SCML4: variants seen among roughly 807,000 people sequenced by gnomAD.
SCML4 encodes the protein sex comb on midleg-like protein 4.
In SCML4, 34 loss-of-function variants were observed where a neutral mutation model predicts 41.1. The observed-to-expected ratio is 0.83, with a 90% CI of 0.63 to 1.10. The LOEUF (loss-of-function observed/expected upper bound fraction) is 1.10, where lower values mean the gene tolerates loss of function less well. Ranked by LOEUF, SCML4 falls within the 50% of genes least tolerant of loss-of-function variation. SCML4 has a pLI of 0.00. For synonymous variants in SCML4, 214 were observed against 220.9 expected, an observed-to-expected ratio of 0.97 and a Z score of 0.28; for missense variants, 522 against 534.1, an observed-to-expected ratio of 0.98 and a Z score of 0.22.
At chr6:107,720,001 A>C (rs846976) in intron 6 of SCML4, 165,979 of 985,182 alleles carry the variant, frequency 0.17, 15,169 homozygotes, top group African/African-American at 0.34. Flanking sequence ...CATTCCAACA[A>C]GCTTTCTTTA....
At chr6:107,787,133 A>C (rs1004979559) in intron 1 of SCML4, among the ~76,000 whole-genome samples, 62 of 152,332 alleles carry the variant, frequency 4.1e-4, no homozygotes, top group African/African-American at 1.4e-3. Context: ...GAGAAATCTG[A>C]TCCTTCAGGC....
chr6:107,706,638 C>G (rs990599984), intron 7 of SCML4, among the ~76,000 whole-genome samples: 2 of 152,166 alleles, frequency 1.3e-5, no homozygotes, highest in Non-Finnish European at 2.9e-5. Context: ...TGGGATTAAG[C>G]TTGCTAATCA....
the SCML4 span, among the ~76,000 whole-genome samples, chr6:107,835,611 T>G: frequency 6.6e-6 from 1 of 151,658 alleles, no homozygotes; most frequent in East Asian, 1.9e-4. Flanking sequence ...CATGGTGGCA[T>G]GCACCTGTAG....
At chr6:107,795,996 T>C (rs796998879) in intron 1 of SCML4, among the ~76,000 whole-genome samples, 5 of 152,274 alleles carry the variant, frequency 3.3e-5, no homozygotes, top group East Asian at 1.9e-4. Context: ...TTTGTAAGTA[T>C]ACCAGCAGTT....
intron 1 of SCML4, among the ~76,000 whole-genome samples, chr6:107,807,727 A>G (rs571253355): frequency 7.5e-4 from 114 of 152,298 alleles, no homozygotes; most frequent in Middle Eastern, 3.4e-3. Flanking sequence ...AATGCCTGCC[A>G]TTTCCCCGCA....
intron 1 of SCML4, among the ~76,000 whole-genome samples, chr6:107,778,222 A>AAAAAAAAAAAAAAAAAATATATCTATAT (rs1554218145): frequency 6.4e-5 from 1 of 15,542 alleles, no homozygotes. Flanking sequence ...AAAAAAAAAA[A>AAAAAAAAAAAAAAAAAATATATCTATAT]ATATATATAT....
the SCML4 span, among the ~76,000 whole-genome samples, chr6:107,839,370 A>C: frequency 6.9e-6 from 1 of 145,620 alleles, no homozygotes; most frequent in Non-Finnish European, 1.5e-5. Context: ...AGAAAGAAGG[A>C]AAGAAAGAAA....
intron 5 of SCML4, among the ~76,000 whole-genome samples, chr6:107,728,701 A>T (rs1477834635): frequency 1.3e-5 from 2 of 152,192 alleles, no homozygotes; most frequent in Non-Finnish European, 2.9e-5. Flanking sequence ...CTGTGATCCA[A>T]ATGAATTATC....
At chr6:107,730,642 C>T (rs573527402) in intron 5 of SCML4, among the ~76,000 whole-genome samples, 1 of 152,316 alleles carries the variant, frequency 6.6e-6, no homozygotes, top group South Asian at 2.1e-4. Context: ...GAAAGGAAAA[C>T]ACACACGTGG....
the SCML4 span, among the ~76,000 whole-genome samples, chr6:107,829,902 T>C: frequency 6.6e-6 from 1 of 152,200 alleles, no homozygotes; most frequent in African/African-American, 2.4e-5. Context: ...TCAAATTTCA[T>C]CATTAAAATA....
chr6:107,792,247 G>A (rs1782386232), intron 1 of SCML4, among the ~76,000 whole-genome samples: 1 of 152,204 alleles, frequency 6.6e-6, no homozygotes, highest in African/African-American at 2.4e-5. Flanking sequence ...ATGATCTCCA[G>A]TGGCATGCCA....
At chr6:107,796,088 TC>T (rs907876597) in intron 1 of SCML4, among the ~76,000 whole-genome samples, 1 of 152,102 alleles carries the variant, frequency 6.6e-6, no homozygotes, top group African/African-American at 2.4e-5. Context: ...TTGATGGACT[TC>T]CTATTGTTTC....
chr6:107,845,981 G>A, the SCML4 span, among the ~76,000 whole-genome samples: 1 of 152,226 alleles, frequency 6.6e-6, no homozygotes, highest in Non-Finnish European at 1.5e-5. Flanking sequence ...GGCCTCTGAT[G>A]TGGGGAGAGA....
At chr6:107,743,149 G>A (rs544083971) in intron 5 of SCML4, among the ~76,000 whole-genome samples, 1 of 152,188 alleles carries the variant, frequency 6.6e-6, no homozygotes, top group South Asian at 2.1e-4. Flanking sequence ...TTTTATACCT[G>A]TAGCATTTTT....
intron 5 of SCML4, chr6:107,739,942 T>C (rs1777434059): frequency 2.8e-6 from 1 of 360,440 alleles, no homozygotes; most frequent in African/African-American, 2.1e-5. Flanking sequence ...CAAGGCTCCC[T>C]GACAAGCAAA....
intron 5 of SCML4, among the ~76,000 whole-genome samples, chr6:107,744,445 C>T (rs575801236): frequency 7.9e-4 from 120 of 152,270 alleles, no homozygotes; most frequent in African/African-American, 2.6e-3. Context: ...TATATGGCCC[C>T]GTCAAATCCC....
chr6:107,762,876 C>CT (rs57370632), intron 2 of SCML4, among the ~76,000 whole-genome samples: 48 of 89,658 alleles, frequency 5.4e-4, no homozygotes, highest in Middle Eastern at 9.1e-3. Flanking sequence ...TAAATGCACT[C>CT]TTTTTTTTTT....
intron 1 of SCML4, among the ~76,000 whole-genome samples, chr6:107,778,240 T>TATATATATATATAG (rs1781188556): frequency 8.3e-5 from 1 of 12,066 alleles, no homozygotes; most frequent in African/African-American, 1.7e-4. Context: ...TATATATATA[T>TATATATATATATAG]ATATATATAT....
At chr6:107,818,149 A>T (rs1784689135) in intron 1 of SCML4, among the ~76,000 whole-genome samples, 1 of 152,140 alleles carries the variant, frequency 6.6e-6, no homozygotes, top group Admixed American at 6.5e-5. Context: ...TTTCCACTTG[A>T]AGTTTTTTTG....
Sources: gnomAD v4.1 joint callset for allele counts (sites outside exome capture counted in the v4.1 genomes callset) on GRCh38, gnomAD v4.1.1 for gene constraint, MANE v1.5 for transcripts, NCBI Gene and HGNC (gene_info 2026-07-23, HGNC 2026-07-21) for gene names.